CD96: variants seen among roughly 807,000 people sequenced by gnomAD.
CD96 encodes CD96 molecule.
In CD96, 70 loss-of-function variants were observed where a neutral mutation model predicts 71.3. That is an observed-to-expected ratio of 0.98 (90% confidence interval 0.81 to 1.20). The LOEUF (loss-of-function observed/expected upper bound fraction) is 1.20. Ranked by LOEUF, CD96 falls within the 50% of genes most tolerant of loss-of-function variation. CD96 has a pLI of 0.00. For synonymous variants in CD96, 248 were observed against 233.0 expected (o/e 1.06, Z -0.59); for missense variants, 742 against 677.5 (o/e 1.10, Z -1.06).
chr3:111,579,197 C>T lies in CD96; in HGVS notation c.714C>T (p.Asn238=). The stretch of plus-strand genomic sequence containing the variant: ...CTTGCCACATTAGAGTCGGTCCTAA[C>T]AAAATCTTGAGGAGCTCCACCACAG... ...KFSCHIRVGP[N]KILRSSTTVK... Residue 238 remains asparagine, a synonymous_variant, in exon 4 of 14, where the codon AAC becomes AAT. Coordinates refer to ENST00000352690, the MANE Select transcript of CD96 (RefSeq NM_005816.5). The T allele has an allele frequency of 6.2e-7, 1 of 1,610,838 alleles. No homozygotes were observed. The highest frequency in any genetic ancestry group is 8.5e-7 in the Non-Finnish European group (1 of 1,176,930).
At chr3:111,565,136 G>C (rs867156552) in intron 2 of CD96, among the ~76,000 whole-genome samples, 12 of 152,228 alleles carry the variant, frequency 7.9e-5, no homozygotes, top group Admixed American at 5.9e-4. Flanking sequence ...TCTTTCCAGT[G>C]ATTACCTGTT....
chr3:111,622,476 C>T (rs1304665117), intron 8 of CD96, among the ~76,000 whole-genome samples: 1 of 152,038 alleles, frequency 6.6e-6, no homozygotes, highest in African/African-American at 2.4e-5. Flanking sequence ...CATTGATAGG[C>T]TGCATTGCAA....
intron 4 of CD96, among the ~76,000 whole-genome samples, chr3:111,581,574 G>T (rs940810353): frequency 6.6e-6 from 1 of 152,288 alleles, no homozygotes; most frequent in Non-Finnish European, 1.5e-5. Context: ...GCCACTTCCT[G>T]CATCTCCTTC....
chr3:111,605,984 C>G (rs535968966), intron 7 of CD96, among the ~76,000 whole-genome samples: 2 of 152,218 alleles, frequency 1.3e-5, no homozygotes, highest in South Asian at 4.1e-4. Flanking sequence ...GTCAATAGAG[C>G]CTTCTGGCAT....
rs781298848 is a variant in CD96 at position 111,600,901 on chromosome 3, C to G, written c.1074C>G (p.Ile358Met). 3.1e-6 allele frequency: 5 copies of G among 1,604,422 alleles called. No individual in the cohort carries two copies. The highest frequency in any genetic ancestry group is 4.3e-6 in the Non-Finnish European group (5 of 1,171,472). The change falls in exon 7 of 14, where the codon ATC (isoleucine) becomes ATG (methionine). Residue 358 changes from isoleucine (I) to methionine (M), a missense_variant. Transcript: ENST00000352690. ...TGTGGAACATCTCATCAGAAAAGATCACTTTTCTCTTAGGTGAGTTGTCTA... is the reference window on the plus strand; with the variant it reads ...TGTGGAACATCTCATCAGAAAAGATGACTTTTCTCTTAGGTGAGTTGTCTA... ...NKVWNISSEK[I>M]TFLLGSEISS...
intron 10 of CD96, among the ~76,000 whole-genome samples, chr3:111,631,788 G>A (rs1007671880): frequency 3.3e-5 from 5 of 152,138 alleles, no homozygotes; most frequent in South Asian, 4.2e-4. Flanking sequence ...ACACATAGAC[G>A]AATAGAACAG....
intron 7 of CD96, among the ~76,000 whole-genome samples, chr3:111,603,884 T>A (rs989604495): frequency 1.3e-5 from 2 of 152,178 alleles, no homozygotes; most frequent in African/African-American, 4.8e-5. Flanking sequence ...TTTCATGACT[T>A]CCCTCAGTGC....
At chr3:111,558,419 G>A (rs62273552) in intron 2 of CD96, among the ~76,000 whole-genome samples, 5,145 of 109,760 alleles carry the variant, frequency 0.047, 1 homozygote, top group Non-Finnish European at 0.06. Context: ...AGCATGAAGG[G>A]TTGTTGAATT....
chr3:111,642,682 C>T (rs745799894), intron 12 of CD96, among the ~76,000 whole-genome samples: 2 of 151,986 alleles, frequency 1.3e-5, no homozygotes, highest in Admixed American at 1.3e-4. Flanking sequence ...TGGCAGGCGC[C>T]TATAATCCCA....
intron 5 of CD96, among the ~76,000 whole-genome samples, chr3:111,595,717 A>G (rs1274118318): frequency 6.6e-6 from 1 of 150,760 alleles, no homozygotes; most frequent in African/African-American, 2.4e-5. Flanking sequence ...TTATATATAT[A>G]CATACATTAT....
At chr3:111,654,570 C>G (rs912631114), downstream of CD96, among the ~76,000 whole-genome samples, 2 of 152,216 alleles carry the variant, frequency 1.3e-5, no homozygotes, top group Non-Finnish European at 2.9e-5. Context: ...CAAACTCTTT[C>G]CTGTTCTGCA....
chr3:111,637,656 T>C (rs1939394253), intron 11 of CD96, among the ~76,000 whole-genome samples: 1 of 152,210 alleles, frequency 6.6e-6, no homozygotes, highest in African/African-American at 2.4e-5. Context: ...TTTGATCAGC[T>C]GAACCTCTCA....
intron 2 of CD96, among the ~76,000 whole-genome samples, chr3:111,560,062 T>C (rs1455827302): frequency 7.0e-6 from 1 of 143,560 alleles, no homozygotes; most frequent in African/African-American, 2.6e-5. Context: ...ATTTGCTTGG[T>C]AGATCTTCCT....
intron 10 of CD96, among the ~76,000 whole-genome samples, chr3:111,629,052 C>CA (rs1439679804): frequency 6.6e-6 from 1 of 151,958 alleles, no homozygotes; most frequent in Non-Finnish European, 1.5e-5. Flanking sequence ...CCTGCCACTA[C>CA]AAAAAAACGC....
intron 3 of CD96, among the ~76,000 whole-genome samples, chr3:111,575,527 C>T (rs9876649): frequency 0.94 from 142,828 of 152,288 alleles, 67,400 homozygotes; most frequent in Non-Finnish European, 0.99. Context: ...CCAACCCTTA[C>T]GGGTTGACAT....
In CD96 at chr3:111,598,117, C is replaced by T; in HGVS notation, c.808-3C>T. On this transcript the variant is annotated splice_region_variant and splice_polypyrimidine_tract_variant and intron_variant, in intron 5 of 13. Transcript: ENST00000352690. ...AATAATCCTTTTTCTGTCTTTACCCCAGAGAAGATTTACCTGCTTACTAAA... is the reference window on the plus strand; with the variant it reads ...AATAATCCTTTTTCTGTCTTTACCCTAGAGAAGATTTACCTGCTTACTAAA... 5 of 1,290,334 alleles carry T rather than the reference C, an allele frequency of 3.9e-6. No homozygotes were observed. The highest frequency in any genetic ancestry group is 5.6e-6 in the Non-Finnish European group (5 of 885,392). The allele number at this position is 1,290,334 out of a possible 1,614,324, so 79.9% of individuals were successfully genotyped here.
At chr3:111,648,343 C>A (rs1939929463) in intron 13 of CD96, among the ~76,000 whole-genome samples, 1 of 152,208 alleles carries the variant, frequency 6.6e-6, no homozygotes, top group Admixed American at 6.5e-5. Flanking sequence ...CTTACTACTA[C>A]TCTAAGATAA....
intron 12 of CD96, among the ~76,000 whole-genome samples, chr3:111,641,438 G>T (rs1939586104): frequency 2.0e-5 from 3 of 152,268 alleles, no homozygotes; most frequent in Admixed American, 1.3e-4. Context: ...TTGTCTAACA[G>T]GAAAATATCA....
At chr3:111,640,195 C>T (rs2107763804) in intron 12 of CD96, among the ~76,000 whole-genome samples, 1 of 152,030 alleles carries the variant, frequency 6.6e-6, no homozygotes, top group South Asian at 2.1e-4. Flanking sequence ...AGAGAGGGAC[C>T]AGAGAAAGGC....
Sources: allele counts gnomAD v4.1 joint callset (sites outside exome capture counted in the v4.1 genomes callset), GRCh38; gene constraint gnomAD v4.1.1; transcripts MANE v1.5; gene names NCBI Gene and HGNC (gene_info 2026-07-23, HGNC 2026-07-21).